ATP2B2: variants seen among roughly 807,000 people sequenced by gnomAD.
The protein encoded by ATP2B2 is plasma membrane calcium-transporting ATPase 2.
Under a neutral mutation model 120.0 loss-of-function variants are expected in ATP2B2, and 15 were observed. The ratio of observed to expected loss-of-function variants is 0.12; its 90% CI spans 0.08 to 0.19. The LOEUF is 0.19. Among genes scored for constraint, ATP2B2 ranks in the 10% least tolerant of loss-of-function variants. The pLI, the probability that ATP2B2 is intolerant of heterozygous loss-of-function variation, is 1.00. For missense variants in ATP2B2, 1,045 were observed against 1,719.8 expected (o/e 0.61, Z 6.94); for synonymous variants, 694 against 700.3 (o/e 0.99, Z 0.14).
intron 2 of ATP2B2, among the ~76,000 whole-genome samples, chr3:10,422,709 C>T (rs566779988): frequency 2.6e-5 from 4 of 152,302 alleles, no homozygotes; most frequent in Non-Finnish European, 5.9e-5. Flanking sequence ...CATAGTGCAG[C>T]GCTGGGTGGT....
At chr3:10,604,600 C>T (rs1166661847) in intron 2 of ATP2B2, among the ~76,000 whole-genome samples, 2 of 152,194 alleles carry the variant, frequency 1.3e-5, no homozygotes, top group African/African-American at 4.8e-5. Flanking sequence ...CTGGCAGCCC[C>T]CTTCTATTCT....
At chr3:10,417,190 G>A (rs1309537171) in intron 2 of ATP2B2, among the ~76,000 whole-genome samples, 2 of 151,772 alleles carry the variant, frequency 1.3e-5, no homozygotes, top group Admixed American at 6.6e-5. Flanking sequence ...CCCAGAGGGG[G>A]CAAAAGCTGG....
chr3:10,453,853 C>A (rs995733457), intron 1 of ATP2B2, among the ~76,000 whole-genome samples: 9 of 151,848 alleles, frequency 5.9e-5, no homozygotes, highest in African/African-American at 2.2e-4. Flanking sequence ...TCCACCCACC[C>A]ACCCATCAAT....
chr3:10,510,393 G>A (rs1284641155), upstream of ATP2B2, among the ~76,000 whole-genome samples: 1 of 152,254 alleles, frequency 6.6e-6, no homozygotes, highest in African/African-American at 2.4e-5. Context: ...GTCACAGAGT[G>A]AGTAGGGGAA....
chr3:10,425,376 A>G (rs1265385883), intron 2 of ATP2B2, among the ~76,000 whole-genome samples: 1 of 152,222 alleles, frequency 6.6e-6, no homozygotes, highest in Non-Finnish European at 1.5e-5. Context: ...GGGGAAGTCA[A>G]TATGAACTAT....
chr3:10,545,729 T>C (rs996018543), intron 2 of ATP2B2, among the ~76,000 whole-genome samples: 1 of 152,140 alleles, frequency 6.6e-6, no homozygotes. Flanking sequence ...TTGTTAGCGG[T>C]GGTTTTTTTA....
chr3:10,654,408 G>A (rs529766569), intron 1 of ATP2B2, among the ~76,000 whole-genome samples: 6 of 152,228 alleles, frequency 3.9e-5, no homozygotes, highest in African/African-American at 1.4e-4. Context: ...CTGACTCAAG[G>A]AGGAGACAAC....
intron 1 of ATP2B2, among the ~76,000 whole-genome samples, chr3:10,475,763 C>T (rs1012421285): frequency 1.4e-4 from 21 of 152,330 alleles, no homozygotes; most frequent in African/African-American, 4.3e-4. Flanking sequence ...AAGTGCGTTT[C>T]TGCTGCCAAA....
rs147381885 is a variant in ATP2B2 at position 10,539,387 on chromosome 3, G to A, written c.-414-5254C>T. Among the ~76,000 whole-genome samples the A allele has an allele frequency of 7.4e-3, 1,119 of 152,182 alleles. 77 individuals carry two copies. The East Asian group carries it at 0.15, about 20-fold the overall frequency. On this transcript the variant is annotated intron_variant, in intron 2 of 21. Coordinates refer to the ATP2B2 transcript ENST00000646379. ...GAAAAAACTGCTTTAAAGTTCATAT[G>A]GAACCAAAAAAGAGCCCACATTTCT...
At chr3:10,471,974 G>C (rs899198547) in intron 1 of ATP2B2, among the ~76,000 whole-genome samples, 3 of 151,226 alleles carry the variant, frequency 2.0e-5, no homozygotes, top group Admixed American at 6.6e-5. Flanking sequence ...CCAGCTACTC[G>C]GGAGGCTGAG....
intron 1 of ATP2B2, among the ~76,000 whole-genome samples, chr3:10,702,611 C>T (rs2071835096): frequency 6.6e-6 from 1 of 152,206 alleles, no homozygotes; most frequent in Non-Finnish European, 1.5e-5. Context: ...CTAAAAGGAC[C>T]TGTTCAGCCT....
rs754564501 is a variant in ATP2B2 at position 10,338,353 on chromosome 3, G to A, written c.3243C>T (p.Ile1081=). 1.9e-5 allele frequency: 30 copies of A among 1,613,940 alleles called. No individual in the cohort carries two copies. The highest frequency in any genetic ancestry group is 7.7e-5 in the South Asian group (7 of 91,082). The part of the protein sequence containing the change: ...GLGELVWGQV[I]ATIPTSRLKF... ...TGAGTCTGCTGGTCGGGATGGTGGC[G>A]ATGACCTGCAAGGGACCCTGTCTGT... Residue 1081 remains isoleucine, a synonymous_variant, in exon 22 of 23, where the codon ATC becomes ATT. Coordinates refer to ENST00000360273, the MANE Select transcript of ATP2B2 (RefSeq NM_001001331.4).
chr3:10,387,216 C>G (rs1002406557), intron 6 of ATP2B2, among the ~76,000 whole-genome samples: 4 of 152,232 alleles, frequency 2.6e-5, no homozygotes, highest in Non-Finnish European at 5.9e-5. Flanking sequence ...CTCTCTCCAG[C>G]CTTCTAATTT....
intron 1 of ATP2B2, among the ~76,000 whole-genome samples, chr3:10,704,506 G>T (rs934870974): frequency 6.6e-6 from 1 of 151,576 alleles, no homozygotes; most frequent in Admixed American, 6.5e-5. Context: ...TACGGTGACT[G>T]CAGAGCATTA....
chr3:10,654,789 A>C (rs1037580594), intron 1 of ATP2B2, among the ~76,000 whole-genome samples: 17 of 151,852 alleles, frequency 1.1e-4, no homozygotes, highest in African/African-American at 4.1e-4. Flanking sequence ...TAAAAAAAAA[A>C]AAAAACGCAG....
intron 10 of ATP2B2, among the ~76,000 whole-genome samples, chr3:10,376,246 G>A (rs985406006): frequency 6.6e-6 from 1 of 152,104 alleles, no homozygotes; most frequent in African/African-American, 2.4e-5. Context: ...CAGATATGGT[G>A]ACACATTGTG....
At chr3:10,456,712 G>T (rs1489826800) in intron 1 of ATP2B2, among the ~76,000 whole-genome samples, 1 of 152,254 alleles carries the variant, frequency 6.6e-6, no homozygotes, top group African/African-American at 2.4e-5. Flanking sequence ...CTCTCAGGTG[G>T]CTGGGGAGGC....
chr3:10,356,287 C>T (rs1002554950), intron 14 of ATP2B2, among the ~76,000 whole-genome samples: 5 of 151,822 alleles, frequency 3.3e-5, no homozygotes, highest in Non-Finnish European at 7.4e-5. Flanking sequence ...CTTTGGGCTT[C>T]GGTGTTTTCT....
chr3:10,486,408 C>T (rs993994815), intron 1 of ATP2B2, among the ~76,000 whole-genome samples: 11 of 151,770 alleles, frequency 7.2e-5, no homozygotes, highest in African/African-American at 2.7e-4. Context: ...CCCCAAATTC[C>T]ACAGGGTGAT....
Sources: gnomAD v4.1 joint callset for allele counts (sites outside exome capture counted in the v4.1 genomes callset) on GRCh38, gnomAD v4.1.1 for gene constraint, MANE v1.5 for transcripts, NCBI Gene and HGNC (gene_info 2026-07-23, HGNC 2026-07-21) for gene names.